Variants in DIP2B observed in about 807,000 individuals in gnomAD.
The protein encoded by DIP2B is DIP2 acetate--CoA ligase B (putative), also known as disco-interacting protein 2 homolog B.
Under a neutral mutation model 198.0 loss-of-function variants are expected in DIP2B, and 76 were observed. That is an observed-to-expected ratio of 0.38 (90% CI 0.32 to 0.46). The LOEUF (loss-of-function observed/expected upper bound fraction) is 0.46. Among genes scored for constraint, DIP2B ranks in the 20% least tolerant of loss-of-function variants. The pLI is 0.99. For missense variants in DIP2B, 1,559 were observed against 1,978.4 expected (o/e 0.79, Z 4.02); for synonymous variants, 701 against 739.1 (o/e 0.95, Z 0.84).
chr12:50,653,328 CTTTTTTTTTTTTCTTTTCTTTTT>C (rs1438049308), intron 3 of DIP2B, among the ~76,000 whole-genome samples: 6 of 116,310 alleles, frequency 5.2e-5, no homozygotes, highest in East Asian at 2.6e-4. Flanking sequence ...GTCTTTCTTT[CTTTTTTTTTTTTCTTTTCTTTTT>C]TTTTTTTTTT....
At chr12:50,543,339 G>C (rs1384692306) in intron 1 of DIP2B, among the ~76,000 whole-genome samples, 6 of 151,830 alleles carry the variant, frequency 4.0e-5, no homozygotes, top group African/African-American at 1.2e-4. Context: ...ACCTAGGCTG[G>C]AGTGCAGTGG....
At chr12:50,660,390 C>T in intron 4 of DIP2B, 71 bp downstream of exon 4, 1 of 1,461,042 alleles carries the variant, frequency 6.8e-7, no homozygotes, top group Non-Finnish European at 9.1e-7. Flanking sequence ...TCTGCTTTTT[C>T]TTTTCTGAGG....
At chr12:50,516,241 CTCTCTATCTCTA>C (rs768299705) in intron 1 of DIP2B, among the ~76,000 whole-genome samples, 83 of 141,096 alleles carry the variant, frequency 5.9e-4, no homozygotes, top group African/African-American at 1.7e-3. Flanking sequence ...CTCTCTCTCT[CTCTCTATCTCTA>C]TCTCTATCTC....
At chr12:50,636,369 C>A (rs1938160017) in intron 2 of DIP2B, among the ~76,000 whole-genome samples, 1 of 152,260 alleles carries the variant, frequency 6.6e-6, no homozygotes, top group East Asian at 1.9e-4. Flanking sequence ...TTTTTCCAAT[C>A]CCCATTCTGC....
chr12:50,666,086 G>A (rs1938747325), intron 4 of DIP2B, among the ~76,000 whole-genome samples: 1 of 152,110 alleles, frequency 6.6e-6, no homozygotes, highest in Non-Finnish European at 1.5e-5. Flanking sequence ...GATTGGTGTG[G>A]GGTAGGACCA....
At chr12:50,608,349 C>T (rs932744538) in intron 1 of DIP2B, among the ~76,000 whole-genome samples, 2 of 152,056 alleles carry the variant, frequency 1.3e-5, no homozygotes, top group Non-Finnish European at 2.9e-5. Flanking sequence ...ACACTAGGTG[C>T]GGTGGGTCAC....
chr12:50,692,811 TG>T, intron 13 of DIP2B, 137 bp from the exon 14 acceptor site: 1 of 703,362 alleles, frequency 1.4e-6, no homozygotes, highest in Non-Finnish European at 2.4e-6. Context: ...CACTCCAGCC[TG>T]GGTGACAGAG....
At chr12:50,714,752 C>T (rs1310445846) in intron 23 of DIP2B, among the ~76,000 whole-genome samples, 156 bp downstream of exon 23, 1 of 151,912 alleles carries the variant, frequency 6.6e-6, no homozygotes, top group African/African-American at 2.4e-5. Flanking sequence ...ACAGCCTGGG[C>T]GACATGGTAA....
intron 3 of DIP2B, among the ~76,000 whole-genome samples, chr12:50,657,973 G>A (rs1416153725): frequency 6.6e-6 from 1 of 151,630 alleles, no homozygotes; most frequent in East Asian, 1.9e-4. Flanking sequence ...TATCAATGTT[G>A]AATTTCTGTA....
chr12:50,614,652 A>G (rs1937661362), intron 1 of DIP2B, among the ~76,000 whole-genome samples: 1 of 152,206 alleles, frequency 6.6e-6, no homozygotes, highest in African/African-American at 2.4e-5. Flanking sequence ...CCAGAGACGT[A>G]TAGTGGCTTG....
intron 1 of DIP2B, among the ~76,000 whole-genome samples, chr12:50,625,030 A>G (rs550832344): frequency 1.3e-5 from 2 of 152,336 alleles, no homozygotes; most frequent in African/African-American, 4.8e-5. Context: ...AGTACTTTTA[A>G]TACTACAATT....
intron 1 of DIP2B, among the ~76,000 whole-genome samples, chr12:50,567,807 C>T (rs1958579147): frequency 1.3e-5 from 2 of 152,184 alleles, no homozygotes; most frequent in South Asian, 4.1e-4. Context: ...GGACTACAGG[C>T]ATGAGCCATC....
At chr12:50,557,616 G>A (rs1051095892) in intron 1 of DIP2B, among the ~76,000 whole-genome samples, 1 of 152,202 alleles carries the variant, frequency 6.6e-6, no homozygotes, top group South Asian at 2.1e-4. Context: ...CTGGGTGGGG[G>A]GATATTGCCT....
chr12:50,695,499 A>T, intron 15 of DIP2B, 139 bp downstream of exon 15: 1 of 844,770 alleles, frequency 1.2e-6, no homozygotes, highest in South Asian at 1.7e-5. Flanking sequence ...AGAATTAGGT[A>T]CCTTGCCTGT....
At chr12:50,735,230 G>A in intron 34 of DIP2B, 100 bp downstream of exon 34, 2 of 1,332,096 alleles carry the variant, frequency 1.5e-6, no homozygotes, top group African/African-American at 1.5e-5. Context: ...TCCAGGGCAA[G>A]CCTTAATTGA....
chr12:50,641,127 C>T (rs1230215464), intron 3 of DIP2B, among the ~76,000 whole-genome samples: 2 of 152,104 alleles, frequency 1.3e-5, no homozygotes, highest in African/African-American at 4.8e-5. Flanking sequence ...GAGGCTGAGG[C>T]GGGCAGATCA....
At chr12:50,580,605 G>A (rs1160374224) in intron 1 of DIP2B, among the ~76,000 whole-genome samples, 2 of 137,508 alleles carry the variant, frequency 1.5e-5, no homozygotes, top group Non-Finnish European at 3.0e-5. Context: ...GCGTGATCTC[G>A]GCTCACTGCA....
At chr12:50,517,635 C>CT (rs1958077224) in intron 1 of DIP2B, among the ~76,000 whole-genome samples, 1 of 152,194 alleles carries the variant, frequency 6.6e-6, no homozygotes, top group Non-Finnish European at 1.5e-5. Flanking sequence ...AGGATAAACT[C>CT]TAAGCATCTT....
intron 1 of DIP2B, among the ~76,000 whole-genome samples, chr12:50,562,429 TTTTC>T (rs1012815126): frequency 6.6e-6 from 1 of 151,930 alleles, no homozygotes; most frequent in Non-Finnish European, 1.5e-5. Flanking sequence ...ACAGAGTTAA[TTTTC>T]TTTAAAAAAA....
Sources: allele counts gnomAD v4.1 joint callset (sites outside exome capture counted in the v4.1 genomes callset), GRCh38; gene constraint gnomAD v4.1.1; transcripts MANE v1.5; gene names NCBI Gene and HGNC (gene_info 2026-07-23, HGNC 2026-07-21).